TANC2: variants seen among roughly 807,000 people sequenced by gnomAD.
TANC2 encodes protein TANC2.
Under a neutral mutation model 210.5 loss-of-function variants are expected in TANC2, and 26 were observed. That is an observed-to-expected ratio of 0.12 (90% CI 0.09 to 0.17). The LOEUF (loss-of-function observed/expected upper bound fraction) is 0.17. Among genes scored for constraint, TANC2 ranks in the 10% least tolerant of loss-of-function variants. The pLI, the probability that TANC2 is intolerant of heterozygous loss-of-function variation, is 1.00. For synonymous variants in TANC2, 931 were observed against 967.1 expected (o/e 0.96, Z 0.69); for missense variants, 2,129 against 2,608.9 (o/e 0.82, Z 4.01).
At chr17:63,072,873 C>A (rs902086428) in intron 2 of TANC2, among the ~76,000 whole-genome samples, 1 of 151,962 alleles carries the variant, frequency 6.6e-6, no homozygotes, top group Non-Finnish European at 1.5e-5. Context: ...TAAAAGGAAG[C>A]TTTATATCAA....
At chr17:63,325,308 A>G (rs147855363) in intron 11 of TANC2, among the ~76,000 whole-genome samples, 333 of 152,306 alleles carry the variant, frequency 2.2e-3, no homozygotes, top group Non-Finnish European at 3.9e-3. Flanking sequence ...CCACACTAAA[A>G]TTGATTTCAG....
intron 9 of TANC2, among the ~76,000 whole-genome samples, chr17:63,269,410 G>A (rs528126228): frequency 7.2e-5 from 11 of 152,138 alleles, no homozygotes; most frequent in Admixed American, 6.5e-4. Flanking sequence ...ATTGATTTGC[G>A]CCCCGACCAG....
chr17:63,056,924 T>C (rs2144483207), intron 2 of TANC2, among the ~76,000 whole-genome samples: 1 of 152,240 alleles, frequency 6.6e-6, no homozygotes, highest in East Asian at 1.9e-4. Context: ...ACAGTCCTGG[T>C]GAGGGGAAAT....
Position 63,421,431 on chromosome 17 carries a change from G to A in TANC2, c.5701G>A (p.Glu1901Lys). The change falls in exon 28 of 28, where the codon GAG becomes AAG. Residue 1901 changes from glutamate to lysine, a missense_variant. Coordinates refer to ENST00000689528, the Ensembl canonical transcript of TANC2. This position sits in a 1 kb window ranked among gnomAD's most constrained non-coding sequence, Gnocchi z 6.9. ...GGAGATCCCACTGAAACCTGCATATGAGAGGTCATGTGACGAGCTGTCGCC... is the reference window on the plus strand; with the variant it reads ...GGAGATCCCACTGAAACCTGCATATAAGAGGTCATGTGACGAGCTGTCGCC... 6.2e-7 allele frequency: 1 copy of A among 1,613,984 alleles called. No homozygotes were observed. The highest frequency in any genetic ancestry group is 1.1e-5 in the South Asian group (1 of 91,078).
chr17:63,097,163 C>T (rs1369334667), intron 3 of TANC2, among the ~76,000 whole-genome samples: 1 of 151,932 alleles, frequency 6.6e-6, no homozygotes, highest in Non-Finnish European at 1.5e-5. Flanking sequence ...ACTTGAGCCT[C>T]CCAAGTAGCT....
chr17:63,366,708 G>A (rs979934594), intron 14 of TANC2, among the ~76,000 whole-genome samples: 1 of 152,038 alleles, frequency 6.6e-6, no homozygotes, highest in South Asian at 2.1e-4. Context: ...TTCTATAAAG[G>A]TACCTTTTGG....
chr17:63,357,304 C>A (rs2046808413), intron 14 of TANC2, among the ~76,000 whole-genome samples: 1 of 152,202 alleles, frequency 6.6e-6, no homozygotes, highest in East Asian at 1.9e-4. Flanking sequence ...ATCCTTACAA[C>A]AGATGAAATC....
intron 9 of TANC2, among the ~76,000 whole-genome samples, chr17:63,269,173 A>G (rs986317979): frequency 6.6e-5 from 10 of 152,176 alleles, no homozygotes; most frequent in African/African-American, 2.4e-4. Flanking sequence ...ATTGTATTGC[A>G]ACAATTACCA....
intron 2 of TANC2, among the ~76,000 whole-genome samples, chr17:63,050,227 G>C (rs1337324230): frequency 6.6e-6 from 1 of 151,884 alleles, no homozygotes; most frequent in Non-Finnish European, 1.5e-5. Context: ...AAATTAGCCA[G>C]GCCTGGTGGT....
intron 9 of TANC2, among the ~76,000 whole-genome samples, chr17:63,314,013 A>G (rs1196062829): frequency 6.6e-6 from 1 of 152,236 alleles, no homozygotes; most frequent in African/African-American, 2.4e-5. Context: ...AACAATTAAA[A>G]GGTTATCCCG....
chr17:63,049,061 G>A (rs1226985390), intron 2 of TANC2, among the ~76,000 whole-genome samples: 1 of 152,108 alleles, frequency 6.6e-6, no homozygotes, highest in Non-Finnish European at 1.5e-5. Context: ...TTATAATCAA[G>A]CAAGTGAAAT....
chr17:63,246,086 A>G (rs577409085), intron 8 of TANC2, among the ~76,000 whole-genome samples: 1 of 152,132 alleles, frequency 6.6e-6, no homozygotes, highest in South Asian at 2.1e-4. Flanking sequence ...TGGTATAGAA[A>G]TAGCAGTCCT....
intron 4 of TANC2, among the ~76,000 whole-genome samples, chr17:63,128,801 G>A (rs564966247): frequency 5.9e-5 from 9 of 152,272 alleles, no homozygotes; most frequent in African/African-American, 2.2e-4. Flanking sequence ...TTGTGGAATA[G>A]ACCTGTGAAT....
intron 8 of TANC2, among the ~76,000 whole-genome samples, chr17:63,255,382 G>A (rs1052219683): frequency 2.0e-5 from 3 of 152,112 alleles, no homozygotes; most frequent in African/African-American, 7.2e-5. Context: ...GTGAGCCACC[G>A]CGCCCGGCCG....
chr17:63,024,766 A>G (rs370566862), intron 2 of TANC2, among the ~76,000 whole-genome samples: 6 of 152,346 alleles, frequency 3.9e-5, no homozygotes, highest in African/African-American at 1.4e-4. Context: ...GTATTGCCCA[A>G]GATTATACAG....
intron 1 of TANC2, among the ~76,000 whole-genome samples, chr17:62,999,937 T>C (rs2033295424): frequency 6.6e-6 from 1 of 152,176 alleles, no homozygotes; most frequent in Non-Finnish European, 1.5e-5. Flanking sequence ...TGCAGCAACA[T>C]GGACAGAGGA....
intron 5 of TANC2, among the ~76,000 whole-genome samples, chr17:63,164,239 A>G (rs1449565673): frequency 6.7e-6 from 1 of 150,332 alleles, no homozygotes; most frequent in Non-Finnish European, 1.5e-5. Context: ...GGCTCAAACA[A>G]CCCTCCCACC....
chr17:63,303,252 C>G (rs1388238835), intron 9 of TANC2, among the ~76,000 whole-genome samples: 1 of 152,038 alleles, frequency 6.6e-6, no homozygotes, highest in Non-Finnish European at 1.5e-5. Context: ...TTTTCCTTTC[C>G]ATATTTAGTG....
chr17:63,382,417 T>C (rs1290588345), intron 15 of TANC2, among the ~76,000 whole-genome samples: 1 of 152,198 alleles, frequency 6.6e-6, no homozygotes, highest in African/African-American at 2.4e-5. Context: ...TTTAACTATT[T>C]TCCTCCCCTC....
Sources: allele counts gnomAD v4.1 joint callset (sites outside exome capture counted in the v4.1 genomes callset), GRCh38; gene constraint gnomAD v4.1.1; non-coding constraint Gnocchi (gnomAD v3.1); transcripts MANE v1.5; gene names NCBI Gene and HGNC (gene_info 2026-07-23, HGNC 2026-07-21).